P2RY10: variants seen among roughly 807,000 people sequenced by gnomAD.
P2RY10 encodes the protein putative P2Y purinoceptor 10.
P2RY10 carries 4 observed loss-of-function variants against 12.1 expected under a neutral mutation model. The observed-to-expected ratio is 0.33, with a 90% CI of 0.16 to 0.76. The LOEUF (loss-of-function observed/expected upper bound fraction) is 0.76, where lower values mean the gene tolerates loss of function less well. Among genes scored for constraint, P2RY10 ranks in the 30% least tolerant of loss-of-function variants. The pLI is 0.61. For missense variants in P2RY10, 233 were observed against 264.6 expected (o/e 0.88, Z 0.83); for synonymous variants, 112 against 94.1 (o/e 1.19, Z -1.10).
In P2RY10 at chrX:78,960,894, C is replaced by G. The variant is rs745756204; in HGVS notation, c.374C>G (p.Thr125Arg). 8.3e-7 allele frequency: 1 copy of G among 1,209,591 alleles called. No homozygotes were observed. Among genetic ancestry groups the G allele is most frequent in the Non-Finnish European group, 1.1e-6 (1 of 895,028 alleles). Residue 125 changes from threonine (T) to arginine (R), a missense_variant, in exon 4 of 4, where the codon ACG becomes AGG. Thr to Arg is a moderately conservative substitution (Grantham distance 71). Coordinates refer to ENST00000171757, the MANE Select transcript of P2RY10 (RefSeq NM_014499.4). ...ATGTATGCCAGCATTTGTTTCCTGA[C>G]GTGCATCAGTCTTCAAAGGTGCTTT... ...LNMYASICFL[T>R]CISLQRCFFL...
intron 3 of P2RY10, among the ~76,000 whole-genome samples, chrX:78,959,332 G>A (rs1360325166): frequency 3.6e-5 from 4 of 110,823 alleles, no homozygotes; most frequent in African/African-American, 9.8e-5. Context: ...TATATTATGT[G>A]GAGAGTGAAT....
chrX:78,949,862 C>T (rs1922027536), intron 2 of P2RY10, among the ~76,000 whole-genome samples: 1 of 111,437 alleles, frequency 9.0e-6, no homozygotes, highest in African/African-American at 3.3e-5. Flanking sequence ...TGGTTGTAAG[C>T]GGCTGAATGA....
Position 78,960,654 on chromosome X carries a change from T to G in P2RY10, c.134T>G (p.Phe45Cys). The change falls in exon 4 of 4, where the codon TTC becomes TGC. Residue 45 changes from phenylalanine to cysteine, a missense_variant. By Grantham distance (205) the Phe-to-Cys change is radical (BLOSUM62 -2). Coordinates refer to ENST00000171757, the MANE Select transcript of P2RY10 (RefSeq NM_014499.4). ...SLYATTYILI[F>C]IPGLLANSAA... is the part of the protein sequence containing the mutation. ...TATGCAACCACCTATATCCTCATAT[T>G]CATTCCTGGTCTTCTGGCTAACAGT... is the stretch of plus-strand genomic sequence containing the variant. The G allele has an allele frequency of 8.3e-7, 1 of 1,211,472 alleles. No individual in the cohort carries two copies. Among genetic ancestry groups the G allele is most frequent in the South Asian group, 1.8e-5 (1 of 56,946 alleles).
chrX:78,948,980 T>C (rs1403793262), intron 2 of P2RY10, among the ~76,000 whole-genome samples: 2 of 112,196 alleles, frequency 1.8e-5, no homozygotes, highest in African/African-American at 3.2e-5. Context: ...CTGTTTTCTA[T>C]AGAAGTTGTA....
At position 78,961,580 on chromosome X, in the gene P2RY10, G is replaced by T. The variant is rs759156856; in HGVS notation, c.*40G>T. 7 of 1,019,916 alleles carry T rather than the reference G, an allele frequency of 6.9e-6. No homozygotes were observed. In the Admixed American group the frequency reaches 1.7e-4, roughly 24 times the overall value. The allele number at this position is 1,019,916 out of a possible 1,213,427, so 84.1% of individuals were successfully genotyped here. On this transcript the variant is annotated 3_prime_UTR_variant, in exon 4 of 4. Coordinates refer to ENST00000171757, the MANE Select transcript of P2RY10 (RefSeq NM_014499.4). Reference sequence around the variant, plus strand: ...TTTAATTACGCCTTTGTTTACCTACGTTCCTTGTCTTTTTCCAAAGGCCAG... The same window carrying T: ...TTTAATTACGCCTTTGTTTACCTACTTTCCTTGTCTTTTTCCAAAGGCCAG...
intron 3 of P2RY10, 110 bp from the exon 4 acceptor site, chrX:78,960,398 C>G: frequency 1.8e-6 from 1 of 571,188 alleles, no homozygotes; most frequent in Middle Eastern, 4.8e-4. Flanking sequence ...GTAAACATGT[C>G]TCTTCTAATT....
chrX:78,953,667 A>G (rs1313146795), intron 3 of P2RY10, among the ~76,000 whole-genome samples: 5 of 111,295 alleles, frequency 4.5e-5, no homozygotes, highest in African/African-American at 6.5e-5. Flanking sequence ...GTGACCAACT[A>G]TTCCCTTTGC....
At chrX:78,952,432 A>C in intron 3 of P2RY10, 97 bp downstream of exon 3, 1 of 460,540 alleles carries the variant, frequency 2.2e-6, no homozygotes, top group Non-Finnish European at 2.7e-6. Context: ...AGAAGTACTG[A>C]CTGAAGTGAG....
rs192533689 is a variant in P2RY10 at position 78,963,333 on chromosome X, G to C, written c.*1793G>C. 1.8e-5 allele frequency among the ~76,000 whole-genome samples: 2 copies of C among 112,538 alleles called. No homozygotes were observed. The highest frequency in any genetic ancestry group is 6.4e-5 in the African/African-American group (2 of 31,041). The stretch of plus-strand genomic sequence containing the variant: ...TAAAGTAATTAAACTGGTTTTCCTT[G>C]TACTTTATTAATCTGAATCTAATGG... On this transcript the variant is annotated 3_prime_UTR_variant, in exon 4 of 4. Coordinates refer to ENST00000171757, the MANE Select transcript of P2RY10 (RefSeq NM_014499.4).
At chrX:78,948,660 T>G (rs1337826971) in intron 2 of P2RY10, among the ~76,000 whole-genome samples, 1 of 111,619 alleles carries the variant, frequency 9.0e-6, no homozygotes, top group Middle Eastern at 4.2e-3. Flanking sequence ...TATATCACTC[T>G]GTATACCTTT....
chrX:78,963,201 C>A lies in P2RY10; in HGVS notation c.*1661C>A, dbSNP rs1016465282. On this transcript the variant is annotated 3_prime_UTR_variant, in exon 4 of 4. Coordinates refer to ENST00000171757, the MANE Select transcript of P2RY10 (RefSeq NM_014499.4). ...AGGGAGGAGAAAGGAAGTAGTAGTT[C>A]TGAGAATATTCATTTGAACAGAGTG... Among the ~76,000 whole-genome samples, 2 of 111,412 alleles carry A rather than the reference C, an allele frequency of 1.8e-5. No homozygotes were observed. Among genetic ancestry groups the A allele is most frequent in the African/African-American group, 3.3e-5 (1 of 30,588 alleles).
At chrX:78,953,281 A>T (rs895788485) in intron 3 of P2RY10, among the ~76,000 whole-genome samples, 2 of 111,923 alleles carry the variant, frequency 1.8e-5, no homozygotes, top group African/African-American at 6.5e-5. Context: ...TGAGACTAGG[A>T]GAAATGGAAG....
chrX:78,948,438 G>A (rs922906018), intron 2 of P2RY10, among the ~76,000 whole-genome samples: 3 of 111,285 alleles, frequency 2.7e-5, no homozygotes, highest in African/African-American at 9.8e-5. Flanking sequence ...CATGAAAATA[G>A]GTACTTTTAC....
chrX:78,961,356 T>C lies in P2RY10; in HGVS notation c.836T>C (p.Val279Ala). The C allele has an allele frequency of 8.3e-7, 1 of 1,211,617 alleles. No individual in the cohort carries two copies. Among genetic ancestry groups the C allele is most frequent in the East Asian group, 3.0e-5 (1 of 33,856 alleles). Residue 279 changes from valine to alanine, a missense_variant, in exon 4 of 4, where the codon GTT becomes GCT. Transcript: ENST00000171757. ...VKETIISSCPVVRIALYFHPF... is the reference protein window; with the variant it reads ...VKETIISSCPAVRIALYFHPF... The stretch of plus-strand genomic sequence containing the variant: ...GAAACCATCATTAGCAGTTGTCCCG[T>C]TGTCCGAATCGCACTGTATTTCCAC...
chrX:78,948,561 C>T (rs1259578092), intron 2 of P2RY10, among the ~76,000 whole-genome samples: 2 of 111,361 alleles, frequency 1.8e-5, no homozygotes, highest in Non-Finnish European at 3.8e-5. Context: ...AGTGCACCCA[C>T]CACCTCAGTA....
At chrX:78,950,392 G>A (rs891266166) in intron 2 of P2RY10, among the ~76,000 whole-genome samples, 16 of 111,423 alleles carry the variant, frequency 1.4e-4, no homozygotes, top group Admixed American at 6.7e-4. Flanking sequence ...GGGAAAGAGC[G>A]TATCAGAGCA....
At chrX:78,953,852 T>G (rs1333874789) in intron 3 of P2RY10, among the ~76,000 whole-genome samples, 2 of 111,585 alleles carry the variant, frequency 1.8e-5, no homozygotes, top group South Asian at 3.8e-4. Flanking sequence ...CTATTTTTTA[T>G]GTATTCATTT....
intron 3 of P2RY10, among the ~76,000 whole-genome samples, chrX:78,958,864 C>G (rs1043614301): frequency 3.6e-5 from 4 of 111,654 alleles, no homozygotes; most frequent in Admixed American, 9.5e-5. Context: ...TTTACAGTAA[C>G]AGCAGCTCAT....
In P2RY10 at chrX:78,961,367, G is replaced by A. The variant is rs746304449; in HGVS notation, c.847G>A (p.Ala283Thr). 18 of 1,209,122 alleles carry A rather than the reference G, an allele frequency of 1.5e-5. No homozygotes were observed. The highest frequency in any genetic ancestry group is 6.6e-5 in the Admixed American group (3 of 45,684). The change falls in exon 4 of 4, where the codon GCA (alanine) becomes ACA (threonine). Residue 283 changes from alanine (A) to threonine (T), a missense_variant. Transcript: ENST00000171757. ...TAGCAGTTGTCCCGTTGTCCGAATC[G>A]CACTGTATTTCCACCCTTTTTGCCT... ...IISSCPVVRI[A>T]LYFHPFCLCL...
Sources: gnomAD v4.1 joint callset for allele counts (sites outside exome capture counted in the v4.1 genomes callset) on GRCh38, gnomAD v4.1.1 for gene constraint, MANE v1.5 for transcripts, NCBI Gene and HGNC (gene_info 2026-07-23, HGNC 2026-07-21) for gene names.